DYNLT5: variants seen among roughly 807,000 people sequenced by gnomAD.
DYNLT5 encodes the protein dynein light chain Tctex-type family member 5.
A neutral mutation model predicts 19.3 loss-of-function variants in DYNLT5; 25 were observed. The observed-to-expected ratio is 1.30, with a 90% CI of 0.95 to 1.81. The LOEUF is 1.81. Ranked by LOEUF, DYNLT5 falls within the 40% of genes most tolerant of loss-of-function variation. The probability of loss-of-function intolerance (pLI) is 0.00; values close to 1 mark genes in which losing one functional copy is unlikely to be tolerated. For synonymous variants in DYNLT5, 82 were observed against 68.9 expected, an observed-to-expected ratio of 1.19 and a Z score of -0.94; for missense variants, 232 against 217.9, an observed-to-expected ratio of 1.06 and a Z score of -0.41.
intron 1 of DYNLT5, among the ~76,000 whole-genome samples, chr1:66,754,154 C>T (rs906225972): frequency 2.0e-5 from 3 of 152,008 alleles, no homozygotes; most frequent in Admixed American, 6.6e-5. Flanking sequence ...TTGGGAGGAA[C>T]GCTTGAGCCC....
intron 1 of DYNLT5, among the ~76,000 whole-genome samples, chr1:66,753,543 T>C (rs1223473957): frequency 6.6e-6 from 1 of 152,216 alleles, no homozygotes; most frequent in Non-Finnish European, 1.5e-5. Flanking sequence ...ACTATGTAAA[T>C]GTTGCTCGAG....
In DYNLT5 at chr1:66,770,646, G is replaced by A. The variant is rs557346845; in HGVS notation, c.211+168G>A. Reference sequence around the variant, plus strand: ...CTTTAGTTTCTTCCTCAGCAAAAAGGTAACAACACTTGCTGTCTTACTTTT... The same window carrying A: ...CTTTAGTTTCTTCCTCAGCAAAAAGATAACAACACTTGCTGTCTTACTTTT... On this transcript the variant is annotated intron_variant, in intron 3 of 4. Transcript: ENST00000282670. 26 of 706,754 alleles carry A rather than the reference G, an allele frequency of 3.7e-5. 2 individuals carry two copies. In the South Asian group the frequency reaches 3.8e-4, roughly 10 times the overall value. 43.8% of individuals were successfully genotyped at this position (706,754 alleles called of 1,614,324 possible). A position where few individuals can be genotyped will look rare whatever the true frequency, so the allele number is the denominator to read the frequency against.
intron 2 of DYNLT5, among the ~76,000 whole-genome samples, chr1:66,757,432 TATGTTTTATTAAAGAAAA>T (rs1427893333): frequency 1.3e-5 from 2 of 152,354 alleles, no homozygotes; most frequent in South Asian, 4.1e-4. Context: ...ATGTAATTTT[TATGTTTTATTAAAGAAAA>T]AACAGAAACA....
chr1:66,765,404 T>A (rs1251113073), intron 2 of DYNLT5, among the ~76,000 whole-genome samples: 1 of 152,148 alleles, frequency 6.6e-6, no homozygotes, highest in Non-Finnish European at 1.5e-5. Context: ...CTAGGTATAA[T>A]AATAACTCTG....
In DYNLT5 at chr1:66,760,369, T is replaced by A. The variant is rs114615223; in HGVS notation, c.119+5592T>A. Among the ~76,000 whole-genome samples the A allele has an allele frequency of 7.6e-3, 1,164 of 152,274 alleles. 10 individuals carry two copies. Among genetic ancestry groups the A allele is most frequent in the Admixed American group, 0.015 (228 of 15,292 alleles). ...ATATAATAGTCACTCAGTACATATT[T>A]TGTGATCATCGAATGAATAATTGTT... On this transcript the variant is annotated intron_variant, in intron 2 of 4. Coordinates refer to ENST00000282670, the MANE Select transcript of DYNLT5 (RefSeq NM_152665.3).
At position 66,778,406 on chromosome 1, in the gene DYNLT5, T is replaced by C. The variant is rs1230349963; in HGVS notation, c.*952T>C. On this transcript the variant is annotated 3_prime_UTR_variant, in exon 5 of 5. Transcript: ENST00000282670. ...GGTGCTAAAATTTACAGGGCTGAAA[T>C]AGCTTATTATTCTGCTGGTTAATGT... The C allele has an allele frequency of 6.6e-6, 1 of 152,650 alleles. No homozygotes were observed. The highest frequency in any genetic ancestry group is 1.9e-4 in the East Asian group (1 of 5,200). 9.5% of individuals were successfully genotyped at this position (152,650 alleles called of 1,614,324 possible).
chr1:66,758,130 T>C (rs1037106147), intron 2 of DYNLT5, among the ~76,000 whole-genome samples: 16 of 152,214 alleles, frequency 1.1e-4, no homozygotes, highest in Admixed American at 3.3e-4. Context: ...AATGGGCTTT[T>C]GTTTATTAGT....
At chr1:66,773,077 T>C (rs911170324) in intron 3 of DYNLT5, among the ~76,000 whole-genome samples, 11 of 152,200 alleles carry the variant, frequency 7.2e-5, no homozygotes, top group African/African-American at 2.7e-4. Flanking sequence ...TCAAGGACCT[T>C]ACTATAGATC....
At chr1:66,769,534 C>G (rs1645190324) in intron 2 of DYNLT5, among the ~76,000 whole-genome samples, 1 of 151,842 alleles carries the variant, frequency 6.6e-6, no homozygotes, top group Admixed American at 6.6e-5. Flanking sequence ...CACACACACA[C>G]AAACACACAC....
At chr1:66,757,228 A>C (rs1396890316) in intron 2 of DYNLT5, among the ~76,000 whole-genome samples, 1 of 151,260 alleles carries the variant, frequency 6.6e-6, no homozygotes, top group East Asian at 1.9e-4. Flanking sequence ...AGATCAGCAC[A>C]GATTTAGCCC....
At position 66,752,533 on chromosome 1, in the gene DYNLT5, G is replaced by T; in HGVS notation, c.-55G>T. ...ACGCGGGAGCCGCGCCGCGCGCAGT[G>T]TCTGCAGTGCCGGAGGTCTGGGAGG... On this transcript the variant is annotated 5_prime_UTR_variant, in exon 1 of 5. Transcript: ENST00000282670. 1.0e-6 allele frequency: 1 copy of T among 985,618 alleles called. No homozygotes were observed. Among genetic ancestry groups the T allele is most frequent in the Non-Finnish European group, 1.2e-6 (1 of 830,062 alleles). 61.1% of individuals were successfully genotyped at this position (985,618 alleles called of 1,614,324 possible). A position where few individuals can be genotyped will look rare whatever the true frequency, so the allele number is the denominator to read the frequency against.
intron 2 of DYNLT5, among the ~76,000 whole-genome samples, chr1:66,768,241 G>A (rs1645179368): frequency 1.3e-5 from 2 of 152,102 alleles, no homozygotes; most frequent in Admixed American, 6.5e-5. Context: ...TTTTTTTAAA[G>A]CATCTATAAT....
At position 66,776,388 on chromosome 1, in the gene DYNLT5, T is replaced by G; in HGVS notation, c.321T>G (p.Thr107=). 1 of 1,601,136 alleles carries G rather than the reference T, an allele frequency of 6.2e-7. No individual in the cohort carries two copies. The highest frequency in any genetic ancestry group is 8.5e-7 in the Non-Finnish European group (1 of 1,172,914). Residue 107 remains threonine (T), a synonymous_variant, in exon 4 of 5, where the codon ACT becomes ACG. Coordinates refer to ENST00000282670, the MANE Select transcript of DYNLT5 (RefSeq NM_152665.3). The stretch of plus-strand genomic sequence containing the variant: ...AACCAGAGCTCTGTAGACAGATGAC[T>G]AAAACCATTTCTGAGGTACGTGTGT... The part of the protein sequence containing the change: ...EYEPELCRQM[T]KTISEVIKAQ...
At chr1:66,758,488 A>C (rs1331829533) in intron 2 of DYNLT5, among the ~76,000 whole-genome samples, 1 of 152,184 alleles carries the variant, frequency 6.6e-6, no homozygotes, top group African/African-American at 2.4e-5. Context: ...TCAAACCAAA[A>C]TTACAGTGAT....
In DYNLT5 at chr1:66,776,293, T is replaced by G; in HGVS notation, c.226T>G (p.Phe76Val). 1 of 1,612,162 alleles carries G rather than the reference T, an allele frequency of 6.2e-7. No homozygotes were observed. Among genetic ancestry groups the G allele is most frequent in the Non-Finnish European group, 8.5e-7 (1 of 1,179,284 alleles). Reference sequence around the variant, plus strand: ...TGTATTTTCAGGTCCTCCCAAACATTTTCCTGTGGTCACCGTCAATCATAT... The same window carrying G: ...TGTATTTTCAGGTCCTCCCAAACATGTTCCTGTGGTCACCGTCAATCATAT... ...NTYQLGPPKH[F>V]PVVTVNHILK... is the part of the protein sequence containing the mutation. The change falls in exon 4 of 5, where the codon TTT becomes GTT. Residue 76 changes from phenylalanine to valine, a missense_variant. Phe to Val is a conservative substitution (Grantham distance 50). Transcript: ENST00000282670.
intron 2 of DYNLT5, among the ~76,000 whole-genome samples, chr1:66,757,133 CT>C (rs2094637338): frequency 6.6e-6 from 1 of 152,104 alleles, no homozygotes; most frequent in Non-Finnish European, 1.5e-5. Flanking sequence ...ACTTATTTGT[CT>C]TTTTAGCGGT....
chr1:66,768,391 G>C (rs1645180874), intron 2 of DYNLT5, among the ~76,000 whole-genome samples: 1 of 152,114 alleles, frequency 6.6e-6, no homozygotes, highest in South Asian at 2.1e-4. Flanking sequence ...TTTGTAAAAT[G>C]AGCATACACT....
Position 66,760,916 on chromosome 1 carries a change from A to G in DYNLT5, c.119+6139A>G, listed in dbSNP as rs570620328. On this transcript the variant is annotated intron_variant, in intron 2 of 4. Transcript: ENST00000282670. ...AAATTGTTGTACTTTGTCAATCACCATTTCTGGATTACCTTCAATTACTCC... is the reference window on the plus strand; with the variant it reads ...AAATTGTTGTACTTTGTCAATCACCGTTTCTGGATTACCTTCAATTACTCC... Among the ~76,000 whole-genome samples, 7 of 152,284 alleles carry G rather than the reference A, an allele frequency of 4.6e-5. No homozygotes were observed. The South Asian group carries it at 1.2e-3, about 27-fold the overall frequency.
At chr1:66,754,860 G>A (rs1572541740) in intron 2 of DYNLT5, 83 bp downstream of exon 2, 15 of 1,400,410 alleles carry the variant, frequency 1.1e-5, no homozygotes, top group South Asian at 3.2e-5. Context: ...ACACTTCCTC[G>A]GGGACATAAA....
Sources: allele counts gnomAD v4.1 joint callset (sites outside exome capture counted in the v4.1 genomes callset), GRCh38; gene constraint gnomAD v4.1.1; transcripts MANE v1.5; gene names NCBI Gene and HGNC (gene_info 2026-07-23, HGNC 2026-07-21).